Variants in SMAP1 observed in about 807,000 individuals in gnomAD.
The protein encoded by SMAP1 is small ArfGAP 1.
In SMAP1, 24 loss-of-function variants were observed where a neutral mutation model predicts 58.5. That is an observed-to-expected ratio of 0.41 (90% CI 0.30 to 0.58). SMAP1 has a LOEUF of 0.58. Ranked by LOEUF, SMAP1 falls within the 20% of genes least tolerant of loss-of-function variation. The pLI, the probability that SMAP1 is intolerant of heterozygous loss-of-function variation, is 0.29. For synonymous variants in SMAP1, 216 were observed against 196.6 expected, an observed-to-expected ratio of 1.10 and a Z score of -0.82; for missense variants, 563 against 566.3, an observed-to-expected ratio of 0.99 and a Z score of 0.06.
chr6:70,710,694 ATAAAT>A (rs1232680409), intron 1 of SMAP1, among the ~76,000 whole-genome samples: 5 of 152,112 alleles, frequency 3.3e-5, no homozygotes. Flanking sequence ...AAATTTCTTG[ATAAAT>A]TAACCTTAGC....
intron 1 of SMAP1, among the ~76,000 whole-genome samples, chr6:70,697,945 A>C (rs1767478223): frequency 6.6e-6 from 1 of 152,194 alleles, no homozygotes; most frequent in African/African-American, 2.4e-5. Flanking sequence ...TATACACCAC[A>C]ATTACAATGC....
intron 1 of SMAP1, chr6:70,668,547 C>A: frequency 1.3e-6 from 2 of 1,527,498 alleles, no homozygotes; most frequent in South Asian, 1.2e-5. Context: ...TGGGTGGGGC[C>A]GCGCTTAGGT....
chr6:70,822,514 A>G (rs1043459658), intron 6 of SMAP1, among the ~76,000 whole-genome samples: 10 of 152,172 alleles, frequency 6.6e-5, no homozygotes, highest in Admixed American at 2.0e-4. Context: ...GTCTATTTCT[A>G]TAACATCCAA....
chr6:70,729,459 T>TGTGTGTGTG lies in SMAP1; in HGVS notation c.119-2919_119-2918insGTGTGTGTG, dbSNP rs1554194434. Among the ~76,000 whole-genome samples, 620 of 128,162 alleles carry TGTGTGTGTG rather than the reference T, an allele frequency of 4.8e-3. 6 individuals are homozygous for TGTGTGTGTG. The highest frequency in any genetic ancestry group is 0.017 in the African/African-American group (589 of 34,094). 84.1% of individuals were successfully genotyped at this position (128,162 alleles called of 152,430 possible). ...GTCTCAAAAAAAAAAAAAAAGAAGG[T>TGTGTGTGTG]TGTGTGTGTGTGTGTGTGTGTGTGT... On this transcript the variant is annotated intron_variant, in intron 1 of 10. Coordinates refer to ENST00000370455, the MANE Select transcript of SMAP1 (RefSeq NM_001044305.3).
At chr6:70,786,648 T>C (rs1291663743) in intron 4 of SMAP1, among the ~76,000 whole-genome samples, 1 of 151,988 alleles carries the variant, frequency 6.6e-6, no homozygotes, top group Non-Finnish European at 1.5e-5. Context: ...CAAGCATTCT[T>C]ATACATCAAT....
chr6:70,794,905 C>T (rs1768536705), intron 5 of SMAP1, among the ~76,000 whole-genome samples: 2 of 151,548 alleles, frequency 1.3e-5, no homozygotes, highest in Admixed American at 1.3e-4. Flanking sequence ...TCTCCTGCCT[C>T]AGCCTCCCGA....
intron 1 of SMAP1, among the ~76,000 whole-genome samples, chr6:70,677,935 T>G (rs946539704): frequency 6.6e-6 from 1 of 152,214 alleles, no homozygotes. Flanking sequence ...TAGGTAGAAC[T>G]GTGTTTAACT....
chr6:70,739,054 C>T (rs1392003857), intron 2 of SMAP1, among the ~76,000 whole-genome samples: 1 of 152,066 alleles, frequency 6.6e-6, no homozygotes, highest in Non-Finnish European at 1.5e-5. Flanking sequence ...AAATAAAAAT[C>T]TGGAACTGGA....
chr6:70,837,663 TC>T (rs1562195516), intron 7 of SMAP1: 24 of 447,368 alleles, frequency 5.4e-5, no homozygotes, highest in African/African-American at 9.2e-5. Flanking sequence ...AGCTTCTCTC[TC>T]TCTCTTTTTT....
intron 6 of SMAP1, among the ~76,000 whole-genome samples, chr6:70,831,079 A>G (rs138927080): frequency 5.3e-5 from 8 of 152,302 alleles, no homozygotes; most frequent in African/African-American, 1.2e-4. Flanking sequence ...GGATTCTTCA[A>G]TGTGACAAAA....
At chr6:70,753,383 T>A (rs1237323544) in intron 2 of SMAP1, among the ~76,000 whole-genome samples, 1 of 152,202 alleles carries the variant, frequency 6.6e-6, no homozygotes, top group Non-Finnish European at 1.5e-5. Flanking sequence ...TCTGAATTAC[T>A]TTTTGCTTCA....
intron 1 of SMAP1, among the ~76,000 whole-genome samples, chr6:70,723,436 C>G (rs1423159531): frequency 6.6e-6 from 1 of 152,160 alleles, no homozygotes; most frequent in Non-Finnish European, 1.5e-5. Flanking sequence ...GTTCCCTTTG[C>G]CTTGATTACT....
intron 3 of SMAP1, among the ~76,000 whole-genome samples, chr6:70,762,361 C>CA (rs1766786247): frequency 4.6e-5 from 7 of 152,046 alleles, no homozygotes; most frequent in Non-Finnish European, 8.8e-5. Flanking sequence ...AAACATAGAC[C>CA]AACTGTCCCA....
Position 70,839,213 on chromosome 6 carries a change from A to G in SMAP1, c.664+2185A>G, listed in dbSNP as rs755506123. On this transcript the variant is annotated intron_variant, in intron 7 of 10. Coordinates refer to ENST00000370455, the MANE Select transcript of SMAP1 (RefSeq NM_001044305.3). ...TGTAACTTCATTTGATACATTTTCT[A>G]CCTTCCTGATTATTGCAGGGCACTT... Among the ~76,000 whole-genome samples the G allele has an allele frequency of 1.3e-5, 2 of 152,098 alleles. 1 individual carries two copies. Among genetic ancestry groups the G allele is most frequent in the East Asian group, 3.9e-4 (2 of 5,194 alleles).
chr6:70,840,431 G>A (rs530038989), intron 7 of SMAP1, among the ~76,000 whole-genome samples: 2 of 152,266 alleles, frequency 1.3e-5, no homozygotes, highest in South Asian at 4.1e-4. Context: ...TTATAGCAGA[G>A]GTTGTCCATT....
intron 6 of SMAP1, among the ~76,000 whole-genome samples, chr6:70,802,889 G>C (rs555741296): frequency 1.3e-5 from 2 of 151,878 alleles, no homozygotes; most frequent in South Asian, 4.2e-4. Context: ...TTTTCGATGT[G>C]CTGCTGGATT....
intron 6 of SMAP1, among the ~76,000 whole-genome samples, chr6:70,818,192 G>A (rs1258208165): frequency 1.3e-5 from 2 of 150,936 alleles, no homozygotes; most frequent in Non-Finnish European, 3.0e-5. Flanking sequence ...TCAGGAGTTC[G>A]AGATGAGCCT....
chr6:70,805,359 T>G (rs1312029598), intron 6 of SMAP1, among the ~76,000 whole-genome samples: 2 of 152,176 alleles, frequency 1.3e-5, no homozygotes, highest in African/African-American at 2.4e-5. Flanking sequence ...ATCAGGTCAT[T>G]TAAGGTCTTC....
At chr6:70,799,432 C>G (rs552369943) in intron 6 of SMAP1, among the ~76,000 whole-genome samples, 1 of 152,172 alleles carries the variant, frequency 6.6e-6, no homozygotes, top group East Asian at 1.9e-4. Flanking sequence ...ATTAGGCGAA[C>G]TACAGCTAGT....
Sources: allele counts gnomAD v4.1 joint callset (sites outside exome capture counted in the v4.1 genomes callset), GRCh38; gene constraint gnomAD v4.1.1; transcripts MANE v1.5; gene names NCBI Gene and HGNC (gene_info 2026-07-23, HGNC 2026-07-21).